The following SCFD2 variants were observed in gnomAD, a reference collection of about 807,000 sequenced individuals.
SCFD2 encodes sec1 family domain containing 2.
SCFD2 carries 54 observed loss-of-function variants against 58.9 expected under a neutral mutation model. The observed-to-expected ratio is 0.92, with a 90% CI of 0.74 to 1.15. The LOEUF is 1.15. Ranked by LOEUF, SCFD2 falls within the 50% of genes most tolerant of loss-of-function variation. The pLI is 0.00. For missense variants in SCFD2, 805 were observed against 836.6 expected (o/e 0.96, Z 0.47); for synonymous variants, 321 against 335.9 (o/e 0.96, Z 0.49).
At chr4:53,009,435 C>T (rs1722048896) in intron 5 of SCFD2, among the ~76,000 whole-genome samples, 1 of 152,166 alleles carries the variant, frequency 6.6e-6, no homozygotes, top group African/African-American at 2.4e-5. Context: ...AAGGGAGAAT[C>T]TACTGGAAGA....
At chr4:53,251,137 A>C (rs1730358508) in intron 4 of SCFD2, among the ~76,000 whole-genome samples, 1 of 152,366 alleles carries the variant, frequency 6.6e-6, no homozygotes, top group South Asian at 2.1e-4. Flanking sequence ...ATCTAGAAGA[A>C]ATGGATAAAT....
At chr4:53,267,230 T>C (rs1731016173) in intron 4 of SCFD2, among the ~76,000 whole-genome samples, 3 of 152,164 alleles carry the variant, frequency 2.0e-5, no homozygotes, top group Admixed American at 2.0e-4. Context: ...CAACATTAGC[T>C]GAAATTTCTT....
At chr4:53,013,565 A>T (rs1411419273) in intron 5 of SCFD2, among the ~76,000 whole-genome samples, 2 of 152,154 alleles carry the variant, frequency 1.3e-5, no homozygotes, top group African/African-American at 2.4e-5. Context: ...GTTGGTGGGG[A>T]GATAGTCTCT....
chr4:52,933,146 T>G (rs148117669), intron 5 of SCFD2, among the ~76,000 whole-genome samples: 1 of 152,166 alleles, frequency 6.6e-6, no homozygotes, highest in African/African-American at 2.4e-5. Flanking sequence ...CAAAGCACAT[T>G]CAAGTAGCAT....
At chr4:53,051,589 C>T (rs867602253) in intron 5 of SCFD2, among the ~76,000 whole-genome samples, 10 of 152,114 alleles carry the variant, frequency 6.6e-5, no homozygotes, top group Non-Finnish European at 5.9e-5. Context: ...TTAGGTAAAG[C>T]CACTTTATAA....
intron 2 of SCFD2, among the ~76,000 whole-genome samples, chr4:53,342,416 A>C (rs967796396): frequency 7.2e-5 from 11 of 152,234 alleles, no homozygotes; most frequent in Admixed American, 2.6e-4. Context: ...AACTATCCTA[A>C]ATATATATGC....
At chr4:52,948,611 C>T (rs1720504094) in intron 5 of SCFD2, 3 of 450,666 alleles carry the variant, frequency 6.7e-6, no homozygotes, top group Non-Finnish European at 8.9e-6. Flanking sequence ...TTTACTGCAA[C>T]CAGTGGTTCA....
intron 8 of SCFD2, among the ~76,000 whole-genome samples, chr4:52,879,224 C>G (rs185502730): frequency 6.6e-6 from 1 of 152,296 alleles, no homozygotes; most frequent in East Asian, 1.9e-4. Context: ...AGAGCTTGGC[C>G]CAGCCACCAT....
intron 5 of SCFD2, among the ~76,000 whole-genome samples, chr4:53,005,922 A>G (rs1721961178): frequency 1.3e-5 from 2 of 152,132 alleles, no homozygotes; most frequent in Non-Finnish European, 1.5e-5. Flanking sequence ...AATAAGCCCT[A>G]CTGAGTGTTA....
intron 8 of SCFD2, among the ~76,000 whole-genome samples, chr4:52,880,403 G>A (rs1718580247): frequency 6.6e-6 from 1 of 151,762 alleles, no homozygotes; most frequent in Admixed American, 6.6e-5. Context: ...GATCACTTGA[G>A]GTAGGAGTTC....
intron 5 of SCFD2, among the ~76,000 whole-genome samples, chr4:52,931,769 T>C (rs1010618065): frequency 6.6e-6 from 1 of 152,230 alleles, no homozygotes; most frequent in East Asian, 1.9e-4. Flanking sequence ...CAGATGCATC[T>C]TCTGTGGATG....
At chr4:53,277,018 T>C (rs1315590896) in intron 3 of SCFD2, among the ~76,000 whole-genome samples, 1 of 152,230 alleles carries the variant, frequency 6.6e-6, no homozygotes, top group Non-Finnish European at 1.5e-5. Context: ...AATTAGGTTG[T>C]TTGTTTTCTT....
intron 2 of SCFD2, among the ~76,000 whole-genome samples, chr4:53,319,080 G>A (rs1732947517): frequency 6.6e-6 from 1 of 152,182 alleles, no homozygotes; most frequent in African/African-American, 2.4e-5. Context: ...CAATTATGCA[G>A]AACGTCAATT....
At chr4:53,103,299 G>A (rs1268317860) in intron 5 of SCFD2, among the ~76,000 whole-genome samples, 2 of 151,990 alleles carry the variant, frequency 1.3e-5, no homozygotes, top group Non-Finnish European at 2.9e-5. Flanking sequence ...TAGGGGTTGG[G>A]AGTCTGAACT....
At chr4:53,055,036 G>A (rs1723285174) in intron 5 of SCFD2, among the ~76,000 whole-genome samples, 1 of 152,148 alleles carries the variant, frequency 6.6e-6, no homozygotes, top group Non-Finnish European at 1.5e-5. Context: ...TTTGTGAGTT[G>A]TAAGGCATGA....
chr4:52,971,969 G>A (rs1721114611), intron 5 of SCFD2, among the ~76,000 whole-genome samples: 1 of 152,170 alleles, frequency 6.6e-6, no homozygotes, highest in African/African-American at 2.4e-5. Context: ...CAAATGCTGA[G>A]AGATTTTGTC....
intron 5 of SCFD2, among the ~76,000 whole-genome samples, chr4:53,030,411 T>C (rs1722587558): frequency 6.6e-6 from 1 of 151,792 alleles, no homozygotes. Context: ...TACAGACACT[T>C]TGGAAAAAAA....
At chr4:52,900,730 C>T (rs971044371) in intron 7 of SCFD2, among the ~76,000 whole-genome samples, 1 of 152,230 alleles carries the variant, frequency 6.6e-6, no homozygotes, top group African/African-American at 2.4e-5. Context: ...CTGTGCCCTG[C>T]CCCCAGAGGT....
chr4:53,103,926 G>A (rs556563466), intron 5 of SCFD2, among the ~76,000 whole-genome samples: 20 of 143,994 alleles, frequency 1.4e-4, no homozygotes, highest in East Asian at 4.0e-4. Context: ...AGAAAATGAC[G>A]TATTGGAGTA....
Sources: allele counts gnomAD v4.1 joint callset (sites outside exome capture counted in the v4.1 genomes callset), GRCh38; gene constraint gnomAD v4.1.1; transcripts MANE v1.5; gene names NCBI Gene and HGNC (gene_info 2026-07-23, HGNC 2026-07-21).